Variants in MTMR8 observed in about 807,000 individuals in gnomAD.
MTMR8 encodes myotubularin related protein 8, also known as phosphatidylinositol-3,5-bisphosphate 3-phosphatase MTMR8.
Under a neutral mutation model 39.3 loss-of-function variants are expected in MTMR8, and 65 were observed. That is an observed-to-expected ratio of 1.65 (90% CI 1.35 to 2.03). The LOEUF is 2.03. Ranked by LOEUF, MTMR8 falls within the 30% of genes most tolerant of loss-of-function variation. The pLI is 0.00. For synonymous variants in MTMR8, 245 were observed against 185.2 expected (o/e 1.32, Z -2.62); for missense variants, 777 against 538.9 (o/e 1.44, Z -4.37).
intron 12 of MTMR8, among the ~76,000 whole-genome samples, chrX:64,293,382 C>T (rs1036733035): frequency 9.0e-6 from 1 of 111,426 alleles, no homozygotes; most frequent in Non-Finnish European, 1.9e-5. Flanking sequence ...CCACGTAGAG[C>T]CAGGTCCGTG....
intron 12 of MTMR8, among the ~76,000 whole-genome samples, chrX:64,295,350 A>G (rs1433744942): frequency 9.0e-6 from 1 of 111,622 alleles, no homozygotes; most frequent in Non-Finnish European, 1.9e-5. Flanking sequence ...GATTTACAAG[A>G]CTAAAACTGT....
At chrX:64,337,094 G>C (rs1453074537) in intron 9 of MTMR8, among the ~76,000 whole-genome samples, 174 bp downstream of exon 9, 1 of 111,931 alleles carries the variant, frequency 8.9e-6, no homozygotes, top group Middle Eastern at 4.2e-3. Context: ...ACATACAAAA[G>C]AAAGTATACA....
At chrX:64,388,679 G>T (rs1924622208) in intron 1 of MTMR8, among the ~76,000 whole-genome samples, 1 of 112,141 alleles carries the variant, frequency 8.9e-6, no homozygotes, top group Non-Finnish European at 1.9e-5. Context: ...ATTTCTTAAG[G>T]CATGTTCTAT....
chrX:64,358,961 C>T lies in MTMR8; in HGVS notation c.147+444G>A, dbSNP rs148292282. On this transcript the variant is annotated intron_variant, in intron 2 of 13. Transcript: ENST00000374852. ...GTTGCCCAAGGTAAAGTCCATGAGG[C>T]CTTAGCATCAGCATAACCTGAGCCC... 1.1e-3 allele frequency among the ~76,000 whole-genome samples: 117 copies of T among 109,785 alleles called. 1 individual carries two copies. Among genetic ancestry groups the T allele is most frequent in the East Asian group, 7.9e-3 (27 of 3,438 alleles).
chrX:64,307,686 A>G (rs973283706), intron 12 of MTMR8, among the ~76,000 whole-genome samples: 1 of 111,724 alleles, frequency 9.0e-6, no homozygotes, highest in African/African-American at 3.3e-5. Context: ...ACCTCCGCTG[A>G]CTTTACATAC....
chrX:64,302,194 A>G (rs1461188987), intron 12 of MTMR8, among the ~76,000 whole-genome samples: 1 of 112,225 alleles, frequency 8.9e-6, no homozygotes, highest in Non-Finnish European at 1.9e-5. Flanking sequence ...TTGATCTCAG[A>G]CTGCTGTGCT....
At chrX:64,328,136 T>C in intron 12 of MTMR8, among the ~76,000 whole-genome samples, 1 of 112,057 alleles carries the variant, frequency 8.9e-6, no homozygotes, top group East Asian at 2.8e-4. Context: ...GCTTTCCCCC[T>C]AAAATCAGGA....
rs148937559 is a variant in MTMR8 at position 64,278,747 on chromosome X, C to T, written c.1482-7674G>A. ...TCGGCCTTCCAAAGTACTGGGATTA[C>T]AGGCATGAGCCACCATGCCCAGCCA... On this transcript the variant is annotated intron_variant, in intron 12 of 13. Transcript: ENST00000374852. 4.0e-3 allele frequency among the ~76,000 whole-genome samples: 445 copies of T among 110,998 alleles called. 3 individuals carry two copies. Among genetic ancestry groups the T allele is most frequent in the Non-Finnish European group, 6.2e-3 (329 of 52,991 alleles).
intron 12 of MTMR8, among the ~76,000 whole-genome samples, chrX:64,324,556 G>C (rs1031224079): frequency 1.8e-5 from 2 of 109,934 alleles, no homozygotes; most frequent in South Asian, 7.9e-4. Context: ...GTGGTGGCAT[G>C]CACCTGTAGT....
intron 12 of MTMR8, among the ~76,000 whole-genome samples, chrX:64,288,382 G>A (rs756733276): frequency 4.5e-5 from 5 of 111,419 alleles, no homozygotes; most frequent in African/African-American, 1.6e-4. Context: ...GTGCTGGAGA[G>A]GATGTGGAGA....
intron 1 of MTMR8, among the ~76,000 whole-genome samples, chrX:64,379,715 CA>C (rs376306119): frequency 9.0e-6 from 1 of 111,298 alleles, no homozygotes; most frequent in Non-Finnish European, 1.9e-5. Context: ...GTCCCCATCT[CA>C]AAAAAAGTCA....
chrX:64,338,166 G>T, intron 8 of MTMR8, among the ~76,000 whole-genome samples: 1 of 112,122 alleles, frequency 8.9e-6, no homozygotes, highest in East Asian at 2.8e-4. Flanking sequence ...AGAAAGAGCT[G>T]GGTTTCCTTA....
At chrX:64,310,599 C>T (rs1922265393) in intron 12 of MTMR8, among the ~76,000 whole-genome samples, 1 of 110,949 alleles carries the variant, frequency 9.0e-6, no homozygotes, top group African/African-American at 3.3e-5. Flanking sequence ...TTGCTGCACC[C>T]ATCAACTCGT....
rs1470040814 is a variant in MTMR8, at chrX:64,309,527, T to A, written c.1481+19245A>T. On this transcript the variant is annotated intron_variant, in intron 12 of 13. Transcript: ENST00000374852. ...GATTTTTTCTACATAAACAATCATG[T>A]CATCTGCAAATAGAGACAGTTTTAT... Among the ~76,000 whole-genome samples the A allele has an allele frequency of 2.7e-5, 3 of 112,032 alleles. No individual in the cohort carries two copies. The East Asian group carries it at 8.4e-4, about 31-fold the overall frequency.
chrX:64,327,228 C>T (rs1460006167), intron 12 of MTMR8, among the ~76,000 whole-genome samples: 4 of 111,487 alleles, frequency 3.6e-5, no homozygotes, highest in Non-Finnish European at 5.7e-5. Context: ...GTAAAGGAAA[C>T]AATCAACAAA....
At chrX:64,359,271 T>A in intron 2 of MTMR8, 134 bp downstream of exon 2, 1 of 588,363 alleles carries the variant, frequency 1.7e-6, no homozygotes, top group Non-Finnish European at 2.4e-6. Flanking sequence ...AAAAAGATTA[T>A]TAGAATAGGT....
intron 1 of MTMR8, among the ~76,000 whole-genome samples, chrX:64,367,370 G>A (rs1923997847): frequency 1.8e-5 from 2 of 111,791 alleles, no homozygotes; most frequent in Admixed American, 1.9e-4. Flanking sequence ...ATAAAATACT[G>A]GCAAACCGTA....
chrX:64,362,471 GAAAAAAAAA>G (rs760545171), intron 1 of MTMR8, among the ~76,000 whole-genome samples: 43 of 5,496 alleles, frequency 7.8e-3, no homozygotes, highest in African/African-American at 0.022. Context: ...TACTATTGCA[GAAAAAAAAA>G]AAAAAAAAAA....
chrX:64,296,220 A>G (rs1174687042), intron 12 of MTMR8, among the ~76,000 whole-genome samples: 2 of 111,676 alleles, frequency 1.8e-5, no homozygotes, highest in Non-Finnish European at 1.9e-5. Flanking sequence ...ATACAAAAAC[A>G]AATATTCTAT....
Sources: allele counts gnomAD v4.1 joint callset (sites outside exome capture counted in the v4.1 genomes callset), GRCh38; gene constraint gnomAD v4.1.1; transcripts MANE v1.5; gene names NCBI Gene and HGNC (gene_info 2026-07-23, HGNC 2026-07-21).